The following RNF6 variants were observed in gnomAD, a reference collection of about 807,000 sequenced individuals.
The protein encoded by RNF6 is ring finger protein 6.
In RNF6, 21 loss-of-function variants were observed where a neutral mutation model predicts 50.1. The observed-to-expected ratio is 0.42, with a 90% CI of 0.30 to 0.60. RNF6 has a LOEUF of 0.60. Among genes scored for constraint, RNF6 ranks in the 20% least tolerant of loss-of-function variants. The pLI is 0.20. For synonymous variants in RNF6, 255 were observed against 291.8 expected (o/e 0.87, Z 1.29); for missense variants, 698 against 838.2 (o/e 0.83, Z 2.07).
downstream of RNF6, among the ~76,000 whole-genome samples, chr13:26,207,849 T>A (rs900134196): frequency 2.0e-5 from 3 of 152,214 alleles, no homozygotes; most frequent in Non-Finnish European, 4.4e-5. Context: ...GCTAAGGCAG[T>A]CCCACCTGGC....
chr13:26,155,642 G>A (rs1473291684), intron 5 of RNF6, among the ~76,000 whole-genome samples: 1 of 152,220 alleles, frequency 6.6e-6, no homozygotes, highest in Admixed American at 6.5e-5. Flanking sequence ...ACCGCTGCTG[G>A]ACGGGCAATA....
At chr13:26,164,284 T>C (rs1306859258) in intron 5 of RNF6, among the ~76,000 whole-genome samples, 2 of 152,200 alleles carry the variant, frequency 1.3e-5, no homozygotes, top group East Asian at 3.8e-4. Flanking sequence ...ACTTTGAAAC[T>C]ATATGATTTG....
intron 5 of RNF6, among the ~76,000 whole-genome samples, chr13:26,186,481 A>G (rs1873537884): frequency 6.6e-6 from 1 of 152,176 alleles, no homozygotes; most frequent in African/African-American, 2.4e-5. Flanking sequence ...CGCGCTACCG[A>G]CTGGCAGTCA....
chr13:26,145,567 G>A (rs1009302802), intron 5 of RNF6, among the ~76,000 whole-genome samples: 2 of 152,064 alleles, frequency 1.3e-5, no homozygotes, highest in Admixed American at 1.3e-4. Flanking sequence ...CTCCTGCTGT[G>A]TAAGATGTGT....
At chr13:26,149,171 T>C (rs993159019) in intron 5 of RNF6, 3 of 152,212 alleles carry the variant, frequency 2.0e-5, no homozygotes, top group African/African-American at 4.8e-5. Context: ...ATTTACCTTT[T>C]GTGTTTTTTA....
intron 5 of RNF6, among the ~76,000 whole-genome samples, chr13:26,141,479 T>C (rs927739836): frequency 1.3e-5 from 2 of 149,186 alleles, no homozygotes; most frequent in Non-Finnish European, 1.5e-5. Flanking sequence ...AATTGCAAAC[T>C]GTACTACAAG....
At position 26,176,893 on chromosome 13, in the gene RNF6, G is replaced by A. The variant is rs531370207; in HGVS notation, n.768+38581C>T. Among the ~76,000 whole-genome samples the A allele has an allele frequency of 2.9e-4, 44 of 152,264 alleles. 1 individual carries two copies. Among genetic ancestry groups the A allele is most frequent in the African/African-American group, 9.1e-4 (38 of 41,550 alleles). ...TGGTTGCAGTGAGCCGAGGTGGCGC[G>A]ATTGCACTCCAGCCTGGGAGACAGA... On this transcript the variant is annotated intron_variant and non_coding_transcript_variant, in intron 5 of 5. Transcript: ENST00000468480.
At chr13:26,197,682 C>T (rs1451156141) in intron 5 of RNF6, among the ~76,000 whole-genome samples, 1 of 151,952 alleles carries the variant, frequency 6.6e-6, no homozygotes, top group Non-Finnish European at 1.5e-5. Flanking sequence ...GCAATAGTTA[C>T]TGAATAAGAT....
chr13:26,203,682 C>T (rs1868980422), intron 5 of RNF6, among the ~76,000 whole-genome samples: 2 of 152,248 alleles, frequency 1.3e-5, no homozygotes, highest in Admixed American at 6.5e-5. Flanking sequence ...ACAATGCAGG[C>T]TGGGCGCAGT....
chr13:26,178,851 T>A (rs1274126287), intron 5 of RNF6, among the ~76,000 whole-genome samples: 1 of 152,122 alleles, frequency 6.6e-6, no homozygotes, highest in African/African-American at 2.4e-5. Context: ...GTTTTGACTA[T>A]TTTAGATCCC....
chr13:26,211,135 CTTGT>C (rs951038118), downstream of RNF6, among the ~76,000 whole-genome samples: 1 of 152,102 alleles, frequency 6.6e-6, no homozygotes, highest in Non-Finnish European at 1.5e-5. Context: ...TGTCATCAGC[CTTGT>C]TTATTGGGAA....
At chr13:26,208,753 T>C (rs77562004), downstream of RNF6, among the ~76,000 whole-genome samples, 621 of 152,146 alleles carry the variant, frequency 4.1e-3, 2 homozygotes, top group Non-Finnish European at 6.5e-3. Context: ...TCCCAATTGG[T>C]TGGAGTAAAG....
chr13:26,133,681 G>T (rs574967038), intron 5 of RNF6, among the ~76,000 whole-genome samples: 14 of 152,146 alleles, frequency 9.2e-5, no homozygotes, highest in East Asian at 7.7e-4. Context: ...GATGTTTCTT[G>T]TACTTTCTAT....
chr13:26,133,781 T>G (rs1870511341), intron 5 of RNF6, among the ~76,000 whole-genome samples: 1 of 152,244 alleles, frequency 6.6e-6, no homozygotes, highest in Non-Finnish European at 1.5e-5. Flanking sequence ...GAAGAAATCA[T>G]ATGATGGATG....
intron 5 of RNF6, among the ~76,000 whole-genome samples, chr13:26,149,968 AGTGTATATATAAT>A (rs1442344383): frequency 7.6e-6 from 1 of 131,948 alleles, no homozygotes; most frequent in Admixed American, 7.6e-5. Flanking sequence ...ATATATACAC[AGTGTATATATAAT>A]GTGTATATAT....
chr13:26,175,119 C>T (rs564522036), intron 5 of RNF6, among the ~76,000 whole-genome samples: 23 of 152,266 alleles, frequency 1.5e-4, no homozygotes, highest in African/African-American at 5.5e-4. Context: ...CTCGCTCTGT[C>T]ACCCAGGCTG....
At chr13:26,152,273 C>T (rs1871652257) in intron 5 of RNF6, among the ~76,000 whole-genome samples, 1 of 152,200 alleles carries the variant, frequency 6.6e-6, no homozygotes, top group South Asian at 2.1e-4. Context: ...CCCACTGTCC[C>T]CTTGGTTCCT....
intron 2 of RNF6, among the ~76,000 whole-genome samples, chr13:26,219,922 G>T (rs907782260): frequency 2.0e-5 from 3 of 152,142 alleles, no homozygotes; most frequent in Admixed American, 2.0e-4. Flanking sequence ...CAATGCTCAT[G>T]CCTGAATACC....
At chr13:26,164,498 T>C (rs1234862161) in intron 5 of RNF6, among the ~76,000 whole-genome samples, 5 of 152,218 alleles carry the variant, frequency 3.3e-5, no homozygotes, top group African/African-American at 9.6e-5. Flanking sequence ...TATTGTATTT[T>C]GATTTCTAAG....
Sources: gnomAD v4.1 joint callset for allele counts (sites outside exome capture counted in the v4.1 genomes callset) on GRCh38, gnomAD v4.1.1 for gene constraint, MANE v1.5 for transcripts, NCBI Gene and HGNC (gene_info 2026-07-23, HGNC 2026-07-21) for gene names.